DPH6: variants seen among roughly 807,000 people sequenced by gnomAD.
DPH6 encodes the protein diphthine--ammonia ligase.
DPH6 carries 33 observed loss-of-function variants against 38.2 expected under a neutral mutation model. The ratio of observed to expected loss-of-function variants is 0.86; its 90% CI spans 0.65 to 1.15. DPH6 has a LOEUF of 1.15. Among genes scored for constraint, DPH6 ranks in the 50% most tolerant of loss-of-function variants. DPH6 has a pLI of 0.00. For missense variants in DPH6, 325 were observed against 320.0 expected (o/e 1.02, Z -0.12); for synonymous variants, 108 against 103.0 (o/e 1.05, Z -0.30).
intron 3 of DPH6, chr15:35,237,205 C>A: frequency 3.8e-6 from 3 of 793,222 alleles, no homozygotes; most frequent in Non-Finnish European, 4.3e-6. Context: ...TAGCGTGTGC[C>A]GGGGGTGCTG....
the DPH6 span, among the ~76,000 whole-genome samples, chr15:35,161,021 A>G: frequency 6.6e-6 from 1 of 151,976 alleles, no homozygotes; most frequent in African/African-American, 2.4e-5. Flanking sequence ...GGATAGCATT[A>G]GGAGATATAC....
intron 3 of DPH6, among the ~76,000 whole-genome samples, chr15:35,229,354 T>C (rs186044530): frequency 3.9e-5 from 6 of 152,068 alleles, no homozygotes; most frequent in African/African-American, 7.2e-5. Flanking sequence ...AGTATGCCAA[T>C]TGCATTTTCA....
chr15:35,407,802 T>C (rs150058515), intron 6 of DPH6, among the ~76,000 whole-genome samples: 3 of 151,786 alleles, frequency 2.0e-5, no homozygotes, highest in African/African-American at 4.8e-5. Flanking sequence ...AGACAGAGAA[T>C]AGGAGAACGG....
intron 3 of DPH6, among the ~76,000 whole-genome samples, chr15:35,230,319 G>A (rs943164512): frequency 2.0e-5 from 3 of 152,168 alleles, no homozygotes; most frequent in Non-Finnish European, 4.4e-5. Flanking sequence ...GACCCACAAG[G>A]TATAGTGCCA....
chr15:35,154,621 T>A, the DPH6 span, among the ~76,000 whole-genome samples: 2 of 152,212 alleles, frequency 1.3e-5, no homozygotes, highest in Admixed American at 1.3e-4. Flanking sequence ...CCATGACAAA[T>A]GTGAACCCAG....
chr15:35,250,197 A>G (rs1383377513), intron 3 of DPH6, among the ~76,000 whole-genome samples: 1 of 151,512 alleles, frequency 6.6e-6, no homozygotes, highest in African/African-American at 2.4e-5. Context: ...AAAAAAACAA[A>G]AAACAAAAAA....
At chr15:35,501,902 G>C (rs1421600758) in intron 3 of DPH6, among the ~76,000 whole-genome samples, 1 of 152,084 alleles carries the variant, frequency 6.6e-6, no homozygotes, top group Non-Finnish European at 1.5e-5. Context: ...TCCAATTTAA[G>C]TTTAGCACAT....
chr15:35,434,829 A>G (rs959956848), intron 5 of DPH6, among the ~76,000 whole-genome samples: 5 of 152,264 alleles, frequency 3.3e-5, no homozygotes, highest in South Asian at 2.1e-4. Context: ...GCTGGAGTGC[A>G]GTGGCATGAC....
chr15:35,298,590 A>C (rs146916406), intron 3 of DPH6: 24 of 807,058 alleles, frequency 3.0e-5, no homozygotes, highest in African/African-American at 2.7e-4. Flanking sequence ...GACTTCTTGG[A>C]TGCATCTTTC....
At chr15:35,506,077 T>C (rs1302435895) in intron 3 of DPH6, among the ~76,000 whole-genome samples, 2 of 152,122 alleles carry the variant, frequency 1.3e-5, no homozygotes, top group East Asian at 1.9e-4. Flanking sequence ...CTTTGATTTG[T>C]TAAGGAAAAA....
intron 3 of DPH6, among the ~76,000 whole-genome samples, chr15:35,229,106 A>G (rs1409128100): frequency 2.0e-5 from 3 of 152,006 alleles, no homozygotes; most frequent in African/African-American, 7.3e-5. Context: ...TGTTTGAAAA[A>G]TTCTCTGTTA....
At chr15:35,537,613 T>TG (rs1332319557) in intron 3 of DPH6, among the ~76,000 whole-genome samples, 1 of 152,148 alleles carries the variant, frequency 6.6e-6, no homozygotes, top group Non-Finnish European at 1.5e-5. Context: ...TGCCAAACTC[T>TG]TACATTCTGT....
At chr15:35,320,615 T>C (rs1479516255) in intron 3 of DPH6, among the ~76,000 whole-genome samples, 1 of 152,228 alleles carries the variant, frequency 6.6e-6, no homozygotes, top group Non-Finnish European at 1.5e-5. Context: ...TCTAGTTCCC[T>C]GCAGTTGTTA....
At chr15:35,183,258 G>T in the DPH6 span, among the ~76,000 whole-genome samples, 533 of 151,880 alleles carry the variant, frequency 3.5e-3, 2 homozygotes, top group Non-Finnish European at 6.3e-3. Flanking sequence ...TTAGCAGCAG[G>T]GAGCAGATGT....
chr15:35,245,571 T>C (rs545022038), intron 3 of DPH6, among the ~76,000 whole-genome samples: 1 of 152,216 alleles, frequency 6.6e-6, no homozygotes, highest in South Asian at 2.1e-4. Context: ...AAGTAGAAAT[T>C]TAGTTTATAT....
chr15:35,317,884 T>A (rs902844590), intron 3 of DPH6, among the ~76,000 whole-genome samples: 4 of 152,076 alleles, frequency 2.6e-5, no homozygotes, highest in Non-Finnish European at 5.9e-5. Context: ...TATATTGTAT[T>A]CCTTAGCATA....
intron 5 of DPH6, among the ~76,000 whole-genome samples, chr15:35,444,739 C>G (rs539972499): frequency 3.3e-5 from 5 of 152,168 alleles, no homozygotes; most frequent in Non-Finnish European, 7.4e-5. Context: ...TCTTGTCCCT[C>G]TAGGGCCATT....
chr15:35,378,775 T>C (rs7162448), intron 7 of DPH6, among the ~76,000 whole-genome samples: 4,395 of 146,420 alleles, frequency 0.03, 214 homozygotes, highest in African/African-American at 0.11. Context: ...AGTTGAACAA[T>C]GAGAACACAT....
chr15:35,466,520 C>A (rs1249577817), intron 3 of DPH6, among the ~76,000 whole-genome samples: 1 of 152,106 alleles, frequency 6.6e-6, no homozygotes, highest in Non-Finnish European at 1.5e-5. Context: ...ATTCTAAAAT[C>A]TATACTTAAA....
Sources: gnomAD v4.1 joint callset for allele counts (sites outside exome capture counted in the v4.1 genomes callset) on GRCh38, gnomAD v4.1.1 for gene constraint, MANE v1.5 for transcripts, NCBI Gene and HGNC (gene_info 2026-07-23, HGNC 2026-07-21) for gene names.